NOL4: variants seen among roughly 807,000 people sequenced by gnomAD.
NOL4 encodes cancer/testis antigen 125.
Under a neutral mutation model 75.9 loss-of-function variants are expected in NOL4, and 17 were observed. The ratio of observed to expected loss-of-function variants is 0.22; its 90% CI spans 0.15 to 0.34. The LOEUF (loss-of-function observed/expected upper bound fraction) is 0.34. NOL4 is among the 10% of genes least tolerant of loss of function. The pLI is 1.00. For missense variants in NOL4, 614 were observed against 793.5 expected (o/e 0.77, Z 2.72); for synonymous variants, 292 against 289.9 (o/e 1.01, Z -0.07).
At chr18:33,971,706 TGTTCCTGCCTGCAAAG>T (rs1197385452) in intron 6 of NOL4, among the ~76,000 whole-genome samples, 4 of 152,128 alleles carry the variant, frequency 2.6e-5, no homozygotes, top group Non-Finnish European at 5.9e-5. Flanking sequence ...ACCGGGGCAC[TGTTCCTGCCTGCAAAG>T]GTTCCAAGCC....
At chr18:34,047,178 G>A (rs915148740) in intron 5 of NOL4, among the ~76,000 whole-genome samples, 2 of 152,170 alleles carry the variant, frequency 1.3e-5, no homozygotes, top group Admixed American at 6.6e-5. Flanking sequence ...TCAGGGAAAA[G>A]AAGTGCATGT....
At chr18:34,003,213 G>C (rs867122030) in intron 6 of NOL4, among the ~76,000 whole-genome samples, 2 of 152,148 alleles carry the variant, frequency 1.3e-5, no homozygotes, top group Middle Eastern at 3.4e-3. Context: ...CCAGGGTTCT[G>C]AAATTTTCTT....
chr18:34,113,592 A>G (rs180768188), intron 2 of NOL4, among the ~76,000 whole-genome samples: 7 of 152,236 alleles, frequency 4.6e-5, no homozygotes, highest in Admixed American at 4.6e-4. Flanking sequence ...AGCTATTATT[A>G]TGCTACTGCA....
chr18:34,051,064 A>G (rs1490016090), intron 5 of NOL4, among the ~76,000 whole-genome samples: 4 of 152,036 alleles, frequency 2.6e-5, no homozygotes, highest in Admixed American at 2.6e-4. Context: ...TGAGAATTCA[A>G]GGAGTAAATA....
intron 9 of NOL4, among the ~76,000 whole-genome samples, chr18:33,937,017 T>G (rs1361937719): frequency 6.6e-6 from 1 of 151,994 alleles, no homozygotes; most frequent in African/African-American, 2.4e-5. Context: ...ACCCACAAAT[T>G]TTGAGCTATG....
intron 1 of NOL4, among the ~76,000 whole-genome samples, chr18:34,205,517 T>C (rs2036063012): frequency 6.6e-6 from 1 of 152,064 alleles, no homozygotes; most frequent in African/African-American, 2.4e-5. Flanking sequence ...TGCCGGTGCA[T>C]GTTAGTATAA....
At chr18:34,039,889 T>C (rs998884978) in intron 5 of NOL4, among the ~76,000 whole-genome samples, 2 of 151,974 alleles carry the variant, frequency 1.3e-5, no homozygotes, top group East Asian at 3.9e-4. Flanking sequence ...CACTTTCAGC[T>C]CAGCATTCAA....
At chr18:34,172,513 T>C (rs2033146151) in intron 1 of NOL4, among the ~76,000 whole-genome samples, 1 of 152,138 alleles carries the variant, frequency 6.6e-6, no homozygotes, top group South Asian at 2.1e-4. Context: ...CTCTTCAAGA[T>C]ACTGATTTCA....
chr18:33,870,136 T>C (rs2063624775), intron 10 of NOL4, among the ~76,000 whole-genome samples: 1 of 152,098 alleles, frequency 6.6e-6, no homozygotes, highest in South Asian at 2.1e-4. Flanking sequence ...TCTAGCTAAT[T>C]AACAAAAGCA....
chr18:33,881,220 C>T (rs2064249535), intron 10 of NOL4, among the ~76,000 whole-genome samples: 2 of 150,058 alleles, frequency 1.3e-5, no homozygotes, highest in Admixed American at 6.7e-5. Context: ...GATTTTGTAT[C>T]CTGAGACTTT....
At chr18:34,157,159 A>C (rs2030566990) in intron 1 of NOL4, 1 of 152,134 alleles carries the variant, frequency 6.6e-6, no homozygotes, top group African/African-American at 2.4e-5. Flanking sequence ...TTTATCATAT[A>C]ACACCTGGCT....
chr18:33,994,820 G>T (rs942312321), intron 6 of NOL4, among the ~76,000 whole-genome samples: 1 of 151,464 alleles, frequency 6.6e-6, no homozygotes, highest in Admixed American at 6.6e-5. Flanking sequence ...ATAGAGAATA[G>T]AGAAACAATA....
rs2037495167 is a variant in NOL4, at chr18:34,224,407, A to T, written c.-1154T>A. 6.6e-6 allele frequency: 1 copy of T among 152,276 alleles called. No individual in the cohort carries two copies. The highest frequency in any genetic ancestry group is 2.4e-5 in the African/African-American group (1 of 41,424). 9.4% of individuals were successfully genotyped at this position (152,276 alleles called of 1,614,324 possible). A position where few individuals can be genotyped will look rare whatever the true frequency, so the allele number is the denominator to read the frequency against. ...CCTCCACTGCTCTGAGTAGCCAAAT[A>T]TGAGTTCCTCTGGACTATTTTTCCA... On this transcript the variant is annotated 5_prime_UTR_variant, in exon 1 of 11. Transcript: ENST00000261592.
rs1160420471 is a variant in NOL4, at chr18:34,024,856, C to G, written c.773-5255G>C. Among the ~76,000 whole-genome samples the G allele has an allele frequency of 2.6e-5, 4 of 152,162 alleles. No homozygotes were observed. The East Asian group carries it at 7.7e-4, about 29-fold the overall frequency. On this transcript the variant is annotated intron_variant, in intron 5 of 10. Transcript: ENST00000261592. ...AGGATCCATGTGGGCACTAAAACCT[C>G]TAACACAATAAAGGCTAGAAATCTT...
At chr18:33,991,098 T>G (rs1005904191) in intron 6 of NOL4, among the ~76,000 whole-genome samples, 1 of 152,010 alleles carries the variant, frequency 6.6e-6, no homozygotes, top group Non-Finnish European at 1.5e-5. Flanking sequence ...CATTTTCTTC[T>G]CATTCAACTT....
At chr18:33,893,923 G>GA in intron 9 of NOL4, among the ~76,000 whole-genome samples, 1 of 152,192 alleles carries the variant, frequency 6.6e-6, no homozygotes, top group Admixed American at 6.6e-5. Flanking sequence ...AGTGGATAAT[G>GA]AAGGCCTCAG....
chr18:33,939,702 A>G (rs150740687), intron 9 of NOL4, among the ~76,000 whole-genome samples: 43 of 152,250 alleles, frequency 2.8e-4, no homozygotes, highest in African/African-American at 8.9e-4. Context: ...CTAAATATAC[A>G]ATAATGTCAT....
chr18:33,885,549 G>A (rs1033431105), intron 9 of NOL4, among the ~76,000 whole-genome samples: 14 of 152,072 alleles, frequency 9.2e-5, no homozygotes, highest in Admixed American at 9.2e-4. Flanking sequence ...CATACAGATG[G>A]AAAACAGGCT....
intron 1 of NOL4, among the ~76,000 whole-genome samples, chr18:34,154,652 GT>G (rs552086110): frequency 2.6e-5 from 4 of 151,160 alleles, no homozygotes; most frequent in Admixed American, 6.6e-5. Context: ...TTTCATTCGT[GT>G]TTTTTTTGTG....
Sources: allele counts gnomAD v4.1 joint callset (sites outside exome capture counted in the v4.1 genomes callset), GRCh38; gene constraint gnomAD v4.1.1; transcripts MANE v1.5; gene names NCBI Gene and HGNC (gene_info 2026-07-23, HGNC 2026-07-21).